Variants in PAIP1 observed in about 807,000 individuals in gnomAD.
PAIP1 encodes polyadenylate-binding protein-interacting protein 1.
In PAIP1, 16 loss-of-function variants were observed where a neutral mutation model predicts 61.3. The ratio of observed to expected loss-of-function variants is 0.26; its 90% CI spans 0.18 to 0.40. The LOEUF (loss-of-function observed/expected upper bound fraction) is 0.40, where lower values mean the gene tolerates loss of function less well. Ranked by LOEUF, PAIP1 falls within the 10% of genes least tolerant of loss-of-function variation. The probability of loss-of-function intolerance (pLI) is 1.00; values close to 1 mark genes in which losing one functional copy is unlikely to be tolerated. For missense variants in PAIP1, 416 were observed against 600.9 expected (o/e 0.69, Z 3.22); for synonymous variants, 187 against 226.2 (o/e 0.83, Z 1.56).
chr5:43,553,341 T>C (rs763245088), intron 2 of PAIP1, among the ~76,000 whole-genome samples: 4 of 152,066 alleles, frequency 2.6e-5, no homozygotes, highest in African/African-American at 4.8e-5. Context: ...AAGACTACCA[T>C]AAAGGCTGTT....
chr5:43,556,490 A>G, intron 1 of PAIP1, 92 bp downstream of exon 1: 1 of 1,204,674 alleles, frequency 8.3e-7, no homozygotes, highest in Non-Finnish European at 1.0e-6. Flanking sequence ...GGGGGTGGGG[A>G]CCGCAGACAG....
intron 2 of PAIP1, among the ~76,000 whole-genome samples, chr5:43,549,812 C>A (rs924261204): frequency 3.9e-5 from 6 of 152,242 alleles, no homozygotes; most frequent in Middle Eastern, 6.8e-3. Flanking sequence ...CTCTGCCTCC[C>A]AGGTTCAAGC....
chr5:43,539,768 G>A (rs912786121), intron 4 of PAIP1, among the ~76,000 whole-genome samples: 3 of 152,116 alleles, frequency 2.0e-5, no homozygotes, highest in African/African-American at 7.2e-5. Flanking sequence ...GTTCCTACAA[G>A]GTAACTAAAC....
chr5:43,526,529 AAGT>A lies in PAIP1; in HGVS notation c.*844_*846del, dbSNP rs1057263245. The A allele has an allele frequency of 1.2e-4, 18 of 151,396 alleles. No homozygotes were observed. Among genetic ancestry groups the A allele is most frequent in the Non-Finnish European group, 2.5e-4 (17 of 67,740 alleles). 9.4% of individuals were successfully genotyped at this position (151,396 alleles called of 1,614,324 possible). A position where few individuals can be genotyped will look rare whatever the true frequency, so the allele number is the denominator to read the frequency against. On this transcript the variant is annotated 3_prime_UTR_variant, in exon 11 of 11. Coordinates refer to ENST00000306846, the MANE Select transcript of PAIP1 (RefSeq NM_006451.5). ...CTGAGGTGGTACCACATTATAGTAA[AAGT>A]ATTAGAAAAGTGACCCTCAAGGTGT...
Position 43,535,590 on chromosome 5 carries a change from A to T in PAIP1, c.1023T>A (p.Asp341Glu). Residue 341 changes from aspartate (D) to glutamate (E), a missense_variant, in exon 7 of 11, where the codon GAT becomes GAA. Asp to Glu is a conservative substitution (Grantham distance 45, BLOSUM62 2). Coordinates refer to ENST00000306846, the MANE Select transcript of PAIP1 (RefSeq NM_006451.5). ...CAATTCTCTGAATAATTTCTTCCATATCCATCTTTCCTTTTTCCTTCCAAG... is the reference window on the plus strand; with the variant it reads ...CAATTCTCTGAATAATTTCTTCCATTTCCATCTTTCCTTTTTCCTTCCAAG... ...EDAWKEKGKM[D>E]MEEIIQRIEN... is the part of the protein sequence containing the mutation. 1 of 1,606,444 alleles carries T rather than the reference A, an allele frequency of 6.2e-7. No individual in the cohort carries two copies. The highest frequency in any genetic ancestry group is 8.5e-7 in the Non-Finnish European group (1 of 1,174,280).
At chr5:43,550,832 T>C (rs1392788986) in intron 2 of PAIP1, among the ~76,000 whole-genome samples, 1 of 15,470 alleles carries the variant, frequency 6.5e-5, no homozygotes, top group East Asian at 6.7e-4. Flanking sequence ...AGTTGAAATA[T>C]ACTACAAAAA....
At chr5:43,540,462 A>G (rs1561232432) in intron 4 of PAIP1, among the ~76,000 whole-genome samples, 1 of 152,362 alleles carries the variant, frequency 6.6e-6, no homozygotes, top group East Asian at 1.9e-4. Context: ...AAATACCTAC[A>G]TAATTGACTA....
chr5:43,536,561 T>C (rs974849334), intron 6 of PAIP1, among the ~76,000 whole-genome samples: 1 of 152,104 alleles, frequency 6.6e-6, no homozygotes, highest in Non-Finnish European at 1.5e-5. Context: ...AGAGCACATA[T>C]ACAGAGATAA....
chr5:43,553,122 A>G (rs1249765212), intron 2 of PAIP1, among the ~76,000 whole-genome samples: 5 of 152,192 alleles, frequency 3.3e-5, no homozygotes, highest in African/African-American at 1.2e-4. Context: ...ATGAATTCCT[A>G]TGTTAAATTT....
chr5:43,540,576 T>C (rs984660244), intron 4 of PAIP1, among the ~76,000 whole-genome samples: 6 of 152,234 alleles, frequency 3.9e-5, no homozygotes, highest in Non-Finnish European at 2.9e-5. Flanking sequence ...CAAAGTCACC[T>C]GCACTACTAC....
chr5:43,546,156 G>C (rs1747628036), intron 3 of PAIP1, among the ~76,000 whole-genome samples: 1 of 152,172 alleles, frequency 6.6e-6, no homozygotes, highest in Non-Finnish European at 1.5e-5. Flanking sequence ...AAACTTAGCA[G>C]CTATTGATAA....
At chr5:43,541,974 C>G (rs1411709146) in intron 4 of PAIP1, among the ~76,000 whole-genome samples, 2 of 139,366 alleles carry the variant, frequency 1.4e-5, no homozygotes, top group South Asian at 2.3e-4. Context: ...GTCAGGAGTT[C>G]GAGACCAGCC....
chr5:43,536,657 A>T (rs756879002), intron 6 of PAIP1, among the ~76,000 whole-genome samples, 162 bp downstream of exon 6: 1 of 152,340 alleles, frequency 6.6e-6, no homozygotes, highest in South Asian at 2.1e-4. Context: ...ATATTAAACA[A>T]TAAGTATATC....
chr5:43,551,745 C>CTTTTT (rs10640960), intron 2 of PAIP1, among the ~76,000 whole-genome samples: 29 of 142,960 alleles, frequency 2.0e-4, no homozygotes, highest in African/African-American at 6.2e-4. Context: ...GATTTGCAAT[C>CTTTTT]TTTTTTTTTT....
intron 9 of PAIP1, among the ~76,000 whole-genome samples, chr5:43,533,195 G>C (rs1312223286): frequency 6.6e-6 from 1 of 152,082 alleles, no homozygotes; most frequent in Non-Finnish European, 1.5e-5. Context: ...TGTACCAAAG[G>C]GAAAAATTTC....
intron 3 of PAIP1, among the ~76,000 whole-genome samples, chr5:43,543,524 A>G (rs886258351): frequency 3.3e-5 from 5 of 152,172 alleles, no homozygotes; most frequent in Admixed American, 3.3e-4. Context: ...TTGGCAGTCC[A>G]GGACAAGATT....
At chr5:43,529,665 T>C (rs1016004505) in intron 10 of PAIP1, 121 bp downstream of exon 10, 3 of 698,084 alleles carry the variant, frequency 4.3e-6, no homozygotes, top group Admixed American at 2.0e-5. Context: ...GTGTTGGGAT[T>C]ACAGGCACGA....
chr5:43,556,799 G>C lies in PAIP1; in HGVS notation c.48C>G (p.Ser16Arg). 1 of 1,453,842 alleles carries C rather than the reference G, an allele frequency of 6.9e-7. No individual in the cohort carries two copies. The allele number at this position is 1,453,842 out of a possible 1,614,324, so 90.1% of individuals were successfully genotyped here. Residue 16 changes from serine to arginine, a missense_variant, in exon 1 of 11, where the codon AGC becomes AGG. Around this residue, in one of 4 missense-constraint regions of PAIP1, gnomAD observed 97 missense variants for 89.5 expected, o/e 1.08. Coordinates refer to ENST00000306846, the MANE Select transcript of PAIP1 (RefSeq NM_006451.5). ...DRAPGAGRGR[S>R]RGLGRGGGGP... is the part of the protein sequence containing the mutation. ...CGCCCCCTCCGCGGCCCAGGCCCCG[G>C]CTCCGGCCCCGACCAGCACCTGGGG...
intron 10 of PAIP1, 125 bp from the exon 11 acceptor site, chr5:43,527,594 CT>C: frequency 1.3e-6 from 1 of 754,930 alleles, no homozygotes; most frequent in Non-Finnish European, 2.0e-6. Context: ...ACAAGCCTAA[CT>C]TTAGAATTAC....
Sources: gnomAD v4.1 joint callset for allele counts (sites outside exome capture counted in the v4.1 genomes callset) on GRCh38, gnomAD v4.1.1 for gene constraint, gnomAD v4.1.1 regional missense constraint, MANE v1.5 for transcripts, NCBI Gene and HGNC (gene_info 2026-07-23, HGNC 2026-07-21) for gene names.